The following NUDT1 variants were observed in gnomAD, a reference collection of about 807,000 sequenced individuals.
NUDT1 encodes oxidized purine nucleoside triphosphate hydrolase.
A neutral mutation model predicts 11.3 loss-of-function variants in NUDT1; 16 were observed. The observed-to-expected ratio is 1.41, with a 90% CI of 0.96 to 2.15. NUDT1 has a LOEUF of 2.15. Among genes scored for constraint, NUDT1 ranks in the 30% most tolerant of loss-of-function variants. NUDT1 has a pLI of 0.00. For missense variants in NUDT1, 234 were observed against 208.4 expected (o/e 1.12, Z -0.76); for synonymous variants, 101 against 84.4 (o/e 1.20, Z -1.08).
At chr7:2,249,575 T>G (rs1049293454) in intron 2 of NUDT1, 56 of 492,618 alleles carry the variant, frequency 1.1e-4, no homozygotes, top group Non-Finnish European at 1.5e-4. Flanking sequence ...CAGAGGGCAC[T>G]GGGCTAGAAC....
chr7:2,250,141 G>T (rs548846836), intron 3 of NUDT1, 139 bp downstream of exon 3: 2 of 1,137,488 alleles, frequency 1.8e-6, no homozygotes, highest in Non-Finnish European at 2.5e-6. Context: ...CAGTGCCAGC[G>T]TGGGGCCCAT....
chr7:2,251,073 C>A lies in NUDT1; in HGVS notation c.*72C>A, dbSNP rs2115071789. 6.8e-7 allele frequency: 1 copy of A among 1,480,564 alleles called. No homozygotes were observed. Among genetic ancestry groups the A allele is most frequent in the Non-Finnish European group, 9.4e-7 (1 of 1,064,438 alleles). 91.7% of individuals were successfully genotyped at this position (1,480,564 alleles called of 1,614,324 possible). On this transcript the variant is annotated 3_prime_UTR_variant, in exon 4 of 4. Transcript: ENST00000356714. The stretch of plus-strand genomic sequence containing the variant: ...GCCGCAAACCATCTTCACCTGGGGG[C>A]ATTGAGTGGCGCAGAGCCGGGTTTC...
chr7:2,249,631 C>G, intron 2 of NUDT1: 1 of 599,874 alleles, frequency 1.7e-6, no homozygotes, highest in South Asian at 1.9e-5. Flanking sequence ...GGGCCCCTCC[C>G]CAGAGCCTCT....
At chr7:2,243,022 G>A in intron 1 of NUDT1, 1 of 717,154 alleles carries the variant, frequency 1.4e-6, no homozygotes, top group South Asian at 1.5e-5. Flanking sequence ...GCAGATGGGG[G>A]AGCCAGAAGG....
intron 2 of NUDT1, among the ~76,000 whole-genome samples, chr7:2,245,875 C>T (rs2115056579): frequency 6.6e-6 from 1 of 151,360 alleles, no homozygotes; most frequent in Non-Finnish European, 1.5e-5. Flanking sequence ...AAGCCGATTT[C>T]CCGGGGTACA....
chr7:2,250,028 C>G (rs1334435926), intron 3 of NUDT1, 26 bp downstream of exon 3: 9 of 1,613,044 alleles, frequency 5.6e-6, no homozygotes, highest in Non-Finnish European at 6.8e-6. Context: ...CCTGCTCCCC[C>G]TCCCCACTAT....
chr7:2,244,555 C>T lies in NUDT1; in HGVS notation c.-12-8C>T, dbSNP rs758248311. The stretch of plus-strand genomic sequence containing the variant: ...ATGGCTGACTCTGCCCTCTCACCTT[C>T]CTTTCAGAACCCAGGGACCATGGGC... On this transcript the variant is annotated splice_region_variant and splice_polypyrimidine_tract_variant and intron_variant, in intron 1 of 3. Transcript: ENST00000356714. 6.5e-7 allele frequency: 1 copy of T among 1,539,928 alleles called. No homozygotes were observed. The highest frequency in any genetic ancestry group is 8.8e-7 in the Non-Finnish European group (1 of 1,142,214).
intron 1 of NUDT1, among the ~76,000 whole-genome samples, chr7:2,244,173 A>G (rs886393914): frequency 6.6e-6 from 1 of 152,208 alleles, no homozygotes; most frequent in Non-Finnish European, 1.5e-5. Context: ...TTTTGGTGCC[A>G]ATCAGGCACG....
chr7:2,243,401 C>T (rs1441705039), intron 1 of NUDT1, among the ~76,000 whole-genome samples: 2 of 152,188 alleles, frequency 1.3e-5, no homozygotes, highest in African/African-American at 4.8e-5. Context: ...TCATCTGGTC[C>T]CTTTTCTCAG....
chr7:2,243,466 T>C (rs1399248417), intron 1 of NUDT1, among the ~76,000 whole-genome samples: 2 of 152,174 alleles, frequency 1.3e-5, no homozygotes, highest in African/African-American at 2.4e-5. Context: ...CTTGTCCAGG[T>C]GTGGACCCCA....
At chr7:2,242,293 G>A in intron 1 of NUDT1, 37 bp downstream of exon 1, 1 of 980,548 alleles carries the variant, frequency 1.0e-6, no homozygotes, top group Non-Finnish European at 1.4e-6. Context: ...AGGAGTCGTG[G>A]TGACCAGGGA....
chr7:2,249,653 A>T, intron 2 of NUDT1: 1 of 639,506 alleles, frequency 1.6e-6, no homozygotes, highest in Non-Finnish European at 2.7e-6. Flanking sequence ...AACCAAAATC[A>T]GTGTCTTCAA....
At chr7:2,244,942 A>G (rs905882466) in intron 2 of NUDT1, among the ~76,000 whole-genome samples, 14 of 152,326 alleles carry the variant, frequency 9.2e-5, no homozygotes, top group African/African-American at 3.4e-4. Flanking sequence ...CGAAGGACTT[A>G]GAACGGTGCG....
intron 2 of NUDT1, chr7:2,247,876 G>A (rs975565666): frequency 2.0e-5 from 3 of 152,252 alleles, no homozygotes; most frequent in African/African-American, 7.2e-5. Context: ...CCAAGAGGCG[G>A]GTGAGGCCCC....
chr7:2,244,473 T>G, intron 1 of NUDT1, 90 bp from the exon 2 acceptor site: 69 of 526,616 alleles, frequency 1.3e-4, no homozygotes, highest in East Asian at 2.4e-4. Context: ...CCCCACTGCC[T>G]CCCAGAGCAC....
chr7:2,244,451 T>TTCCCCCCCC, intron 1 of NUDT1, 112 bp from the exon 2 acceptor site: 1 of 981,624 alleles, frequency 1.0e-6, no homozygotes, highest in Non-Finnish European at 1.5e-6. Context: ...AGTTACAGCA[T>TTCCCCCCCC]ACCCCCCCGC....
At chr7:2,243,239 A>G (rs1304272992) in intron 1 of NUDT1, among the ~76,000 whole-genome samples, 1 of 152,064 alleles carries the variant, frequency 6.6e-6, no homozygotes, top group Non-Finnish European at 1.5e-5. Context: ...TAGGCACAGG[A>G]CGGGGACGTG....
intron 3 of NUDT1, among the ~76,000 whole-genome samples, chr7:2,250,510 G>T (rs12699804): frequency 0.66 from 100,453 of 151,652 alleles, 33,660 homozygotes; most frequent in East Asian, 0.74. Context: ...CAGGCTGGAG[G>T]GCAATGGCGC....
chr7:2,250,490 C>G (rs35817339), intron 3 of NUDT1, among the ~76,000 whole-genome samples: 4,219 of 152,332 alleles, frequency 0.028, 88 homozygotes, highest in Middle Eastern at 0.051. Context: ...CGAAGTCTCG[C>G]TCTGTCGCCC....
Sources: allele counts gnomAD v4.1 joint callset (sites outside exome capture counted in the v4.1 genomes callset), GRCh38; gene constraint gnomAD v4.1.1; transcripts MANE v1.5; gene names NCBI Gene and HGNC (gene_info 2026-07-23, HGNC 2026-07-21).